Variants in NHSL1 observed in about 807,000 individuals in gnomAD.
NHSL1 encodes NHS-like protein 1.
NHSL1 carries 48 observed loss-of-function variants against 95.0 expected under a neutral mutation model. That is an observed-to-expected ratio of 0.51 (90% CI 0.40 to 0.64). NHSL1 has a LOEUF of 0.64. NHSL1 is among the 30% of genes least tolerant of loss of function. The pLI, the probability that NHSL1 is intolerant of heterozygous loss-of-function variation, is 0.00. For synonymous variants in NHSL1, 783 were observed against 833.9 expected (o/e 0.94, Z 1.05); for missense variants, 1,971 against 2,077.7 (o/e 0.95, Z 1.00).
Position 138,499,339 on chromosome 6 carries a change from T to G in NHSL1, c.-49A>C, listed in dbSNP as rs1176938103. Reference sequence around the variant, plus strand: ...TAGAAATGTAAATCACATTAAAAGCTCAGCCCAGTAGGCAGGTGGCAAGCT... The same window carrying G: ...TAGAAATGTAAATCACATTAAAAGCGCAGCCCAGTAGGCAGGTGGCAAGCT... On this transcript the variant is annotated 5_prime_UTR_variant, in exon 1 of 8. The change abolishes the stop of an existing upstream ORF in the 5' untranslated region. Transcript: ENST00000343505. 1 of 1,546,584 alleles carries G rather than the reference T, an allele frequency of 6.5e-7. No homozygotes were observed. Among genetic ancestry groups the G allele is most frequent in the Non-Finnish European group, 8.7e-7 (1 of 1,144,306 alleles).
At chr6:138,460,103 A>T (rs1296490858) in intron 3 of NHSL1, among the ~76,000 whole-genome samples, 1 of 152,210 alleles carries the variant, frequency 6.6e-6, no homozygotes, top group Non-Finnish European at 1.5e-5. Context: ...TTGCTCTGAA[A>T]AAGTTTTAAG....
At chr6:138,536,266 C>A (rs569990562) in intron 1 of NHSL1, among the ~76,000 whole-genome samples, 1 of 152,064 alleles carries the variant, frequency 6.6e-6, no homozygotes, top group Admixed American at 6.6e-5. Context: ...GACTGGGGAG[C>A]GACTAAGACA....
chr6:138,670,031 G>A (rs988613650), intron 1 of NHSL1, among the ~76,000 whole-genome samples: 2 of 152,174 alleles, frequency 1.3e-5, no homozygotes, highest in African/African-American at 4.8e-5. Flanking sequence ...TGAGGCAGGA[G>A]AACTGCTTGA....
chr6:138,619,947 C>CAAAAAAAAAAA (rs11376703), intron 1 of NHSL1, among the ~76,000 whole-genome samples: 1 of 102,198 alleles, frequency 9.8e-6, no homozygotes, highest in Non-Finnish European at 2.0e-5. Flanking sequence ...AACTCTATCA[C>CAAAAAAAAAAA]AAAAAAAAAA....
Position 138,431,434 on chromosome 6 carries a change from A to C in NHSL1, c.2911T>G (p.Phe971Val). The change falls in exon 6 of 8, where the codon TTC (phenylalanine) becomes GTC (valine). Residue 971 changes from phenylalanine to valine, a missense_variant. Physicochemically the swap from Phe to Val is conservative, Grantham distance 50. This residue lies in a region of NHSL1 where 1,602 missense variants were observed against 1,654.5 expected (regional missense o/e 0.97). Coordinates refer to ENST00000343505, the MANE Select transcript of NHSL1 (RefSeq NM_001144060.2). This position sits in a 1 kb window ranked among gnomAD's most constrained non-coding sequence, Gnocchi z 4.0. ...AGAGCTTCTGGCGGCGGAGGGGGGAACACAGGAGAGTGAGGCAGAGGAGAG... is the reference window on the plus strand; with the variant it reads ...AGAGCTTCTGGCGGCGGAGGGGGGACCACAGGAGAGTGAGGCAGAGGAGAG... ...QGSPLPHSPV[F>V]PPPPPEALIP... 1 of 1,550,716 alleles carries C rather than the reference A, an allele frequency of 6.4e-7. No individual in the cohort carries two copies. Among genetic ancestry groups the C allele is most frequent in the East Asian group, 2.4e-5 (1 of 40,882 alleles).
At chr6:138,565,592 T>C (rs1201401157) in intron 1 of NHSL1, among the ~76,000 whole-genome samples, 2 of 152,066 alleles carry the variant, frequency 1.3e-5, no homozygotes, top group Non-Finnish European at 2.9e-5. Context: ...CTTTAGGAGA[T>C]TAAACTGAAG....
intron 1 of NHSL1, among the ~76,000 whole-genome samples, chr6:138,682,636 G>GGAATGGAT (rs34584557): frequency 0.62 from 93,110 of 151,052 alleles, 30,444 homozygotes; most frequent in East Asian, 0.92. Context: ...ATACAGTTCA[G>GGAATGGAT]GAATGGATGA....
intron 1 of NHSL1, among the ~76,000 whole-genome samples, chr6:138,533,374 C>T (rs544799855): frequency 2.3e-4 from 35 of 152,114 alleles, no homozygotes; most frequent in South Asian, 4.2e-4. Flanking sequence ...ACCAGCCTGA[C>T]CAACATGGAG....
intron 1 of NHSL1, among the ~76,000 whole-genome samples, chr6:138,567,061 T>A (rs1783646337): frequency 6.6e-6 from 1 of 151,934 alleles, no homozygotes; most frequent in African/African-American, 2.4e-5. Flanking sequence ...TTTCTTAGGT[T>A]TTCTTAATGC....
Position 138,424,100 on chromosome 6 carries a change from G to C in NHSL1, c.4802C>G (p.Ser1601Cys), listed in dbSNP as rs1470544926. ...GREPSPQCGG[S>C]LSEES ...TTGGCCCTAACTCTCCTCGCTCAGA[G>C]AACCGCCACACTGTGGGGAGGGCTC... Residue 1601 changes from serine to cysteine, a missense_variant, in exon 8 of 8, where the codon TCT (serine) becomes TGT (cysteine). Ser to Cys is a moderately radical substitution (Grantham distance 112). Transcript: ENST00000343505. This position sits in a 1 kb window ranked among gnomAD's most constrained non-coding sequence, Gnocchi z 5.9. 2 of 1,392,566 alleles carry C rather than the reference G, an allele frequency of 1.4e-6. No individual in the cohort carries two copies. The highest frequency in any genetic ancestry group is 6.1e-5 in the Admixed American group (2 of 32,576). The allele number at this position is 1,392,566 out of a possible 1,614,324, so 86.3% of individuals were successfully genotyped here.
intron 1 of NHSL1, among the ~76,000 whole-genome samples, chr6:138,563,208 AAATG>A (rs1183475183): frequency 3.9e-5 from 6 of 152,228 alleles, no homozygotes; most frequent in Admixed American, 1.3e-4. Flanking sequence ...TATGTTTATT[AAATG>A]AATGAACTCA....
At chr6:138,448,202 T>C (rs1457565521) in intron 3 of NHSL1, among the ~76,000 whole-genome samples, 1 of 152,172 alleles carries the variant, frequency 6.6e-6, no homozygotes, top group Non-Finnish European at 1.5e-5. Flanking sequence ...TTGGCGAGCA[T>C]TTTTTGATGG....
intron 4 of NHSL1, chr6:138,446,787 G>A: frequency 1.8e-6 from 1 of 552,124 alleles, no homozygotes. Flanking sequence ...TGACACCAGT[G>A]TTTGGCGACA....
chr6:138,441,945 A>C, intron 5 of NHSL1, 38 bp downstream of exon 5: 1 of 1,526,894 alleles, frequency 6.5e-7, no homozygotes, highest in Non-Finnish European at 8.8e-7. Flanking sequence ...GCCGAGCAGC[A>C]GTGAAGGGCA....
chr6:138,672,028 A>G (rs562554320), intron 1 of NHSL1, among the ~76,000 whole-genome samples: 3 of 152,316 alleles, frequency 2.0e-5, no homozygotes, highest in East Asian at 1.9e-4. Flanking sequence ...CTAAAAAACC[A>G]CAAAAGAGCA....
At chr6:138,489,865 A>AGAGAGAGGGAGAGAGGGAGAGAGG (rs1284929792) in intron 2 of NHSL1, among the ~76,000 whole-genome samples, 1 of 71,676 alleles carries the variant, frequency 1.4e-5, no homozygotes, top group African/African-American at 9.9e-5. Flanking sequence ...AGAGAGAGAG[A>AGAGAGAGGGAGAGAGGGAGAGAGG]GAGAGAGGGA....
chr6:138,554,513 C>T (rs1450252336), intron 1 of NHSL1, among the ~76,000 whole-genome samples: 1 of 152,156 alleles, frequency 6.6e-6, no homozygotes. Flanking sequence ...AAAACATAAC[C>T]AGAGAGCGTA....
chr6:138,485,670 A>G (rs76808695), intron 2 of NHSL1, among the ~76,000 whole-genome samples: 44 of 152,270 alleles, frequency 2.9e-4, no homozygotes, highest in African/African-American at 6.7e-4. Flanking sequence ...GAAGTTAAAT[A>G]GCCCCTTTTT....
At chr6:138,645,000 G>A (rs7738956) in intron 1 of NHSL1, among the ~76,000 whole-genome samples, 1 of 152,160 alleles carries the variant, frequency 6.6e-6, no homozygotes, top group Admixed American at 6.5e-5. Context: ...TCTGGGGCCT[G>A]ACCAGGAATT....
Sources: gnomAD v4.1 joint callset for allele counts (sites outside exome capture counted in the v4.1 genomes callset) on GRCh38, gnomAD v4.1.1 for gene constraint, gnomAD v4.1.1 regional missense constraint, Gnocchi (gnomAD v3.1) non-coding constraint, MANE v1.5 for transcripts, NCBI Gene and HGNC (gene_info 2026-07-23, HGNC 2026-07-21) for gene names.